Variants in UNC80 observed in about 807,000 individuals in gnomAD.
The protein encoded by UNC80 is protein unc-80 homolog.
Under a neutral mutation model 384.6 loss-of-function variants are expected in UNC80, and 164 were observed. The ratio of observed to expected loss-of-function variants is 0.43; its 90% CI spans 0.38 to 0.49. The LOEUF is 0.49. Ranked by LOEUF, UNC80 falls within the 20% of genes least tolerant of loss-of-function variation. The pLI, the probability that UNC80 is intolerant of heterozygous loss-of-function variation, is 0.00. For synonymous variants in UNC80, 1,486 were observed against 1,527.8 expected (o/e 0.97, Z 0.64); for missense variants, 3,330 against 4,143.0 (o/e 0.80, Z 5.39).
intron 21 of UNC80, chr2:209,844,979 G>A (rs2082074731): frequency 6.6e-6 from 1 of 151,814 alleles, no homozygotes; most frequent in Non-Finnish European, 1.5e-5. Flanking sequence ...TTGTCTTGAA[G>A]CTCTAATCCC....
Position 209,839,199 on chromosome 2 carries a change from C to T in UNC80, c.3042-23C>T. 1 of 1,548,312 alleles carries T rather than the reference C, an allele frequency of 6.5e-7. No homozygotes were observed. The highest frequency in any genetic ancestry group is 1.7e-4 in the Middle Eastern group (1 of 5,738). ...TTCTCAAGTGTTGTCAGAAGTTTAA[C>T]CCTATCCTCTGCTTGCCTACAGCGA... On this transcript the variant is annotated intron_variant, in intron 18 of 64. Transcript: ENST00000673920. This position sits in a 1 kb window ranked among gnomAD's most constrained non-coding sequence, Gnocchi z 4.1.
chr2:209,880,812 C>A, intron 24 of UNC80, 149 bp from the exon 25 acceptor site: 1 of 700,420 alleles, frequency 1.4e-6, no homozygotes, highest in Non-Finnish European at 2.3e-6. Flanking sequence ...TAGATGAAGT[C>A]CTCATATGTA....
rs760871771 is a variant in UNC80 at position 209,993,350 on chromosome 2, G to C, written c.9432G>C (p.Gln3144His). 6 of 1,551,828 alleles carry C rather than the reference G, an allele frequency of 3.9e-6. No homozygotes were observed. In the African/African-American group the frequency reaches 8.2e-5, roughly 21 times the overall value. ...RRPLLSRQKT[Q>H]TEPRNRQGAR... ...CTCTACTATCACGTCAGAAAACTCAGACTGAACCCAGAAATCGCCAAGGGG... is the reference window on the plus strand; with the variant it reads ...CTCTACTATCACGTCAGAAAACTCACACTGAACCCAGAAATCGCCAAGGGG... The change falls in exon 63 of 65, where the codon CAG (glutamine) becomes CAC (histidine). Residue 3144 changes from glutamine (Q) to histidine (H), a missense_variant. Coordinates refer to ENST00000673920, the MANE Select transcript of UNC80 (RefSeq NM_001371986.1).
chr2:209,888,253 G>C lies in UNC80; in HGVS notation c.4269G>C (p.Glu1423Asp), dbSNP rs1316066934. Residue 1423 changes from glutamate to aspartate, a missense_variant, in exon 26 of 65, where the codon GAG becomes GAC. By Grantham distance (45) the Glu-to-Asp change is conservative (BLOSUM62 2). Coordinates refer to ENST00000673920, the MANE Select transcript of UNC80 (RefSeq NM_001371986.1). ...TCAAATCAGATGCAGGAGTCGAGGA[G>C]AAGAAAGGTATGGAAACACAAAGGT... is the stretch of plus-strand genomic sequence containing the variant. ...HTLKSDAGVE[E>D]KKVPSRKIRI... 1 of 1,551,708 alleles carries C rather than the reference G, an allele frequency of 6.4e-7. No homozygotes were observed. Among genetic ancestry groups the C allele is most frequent in the Non-Finnish European group, 8.7e-7 (1 of 1,146,974 alleles).
intron 22 of UNC80, among the ~76,000 whole-genome samples, chr2:209,856,300 A>G (rs944232600): frequency 2.6e-5 from 4 of 152,174 alleles, no homozygotes; most frequent in East Asian, 1.9e-4. Context: ...TTATTGGAAG[A>G]TTATCTTTTA....
intron 39 of UNC80, 50 bp downstream of exon 39, chr2:209,934,055 A>G (rs1407861946): frequency 1.4e-6 from 2 of 1,456,944 alleles, no homozygotes. Context: ...AAAATTATAA[A>G]TAGCCCTTTG....
intron 7 of UNC80, among the ~76,000 whole-genome samples, chr2:209,800,035 G>C (rs907200115): frequency 2.0e-5 from 3 of 152,064 alleles, no homozygotes; most frequent in East Asian, 3.9e-4. Context: ...AATTTTTTTT[G>C]TTGTGTCTCT....
intron 26 of UNC80, among the ~76,000 whole-genome samples, chr2:209,893,788 T>C (rs568381835): frequency 6.6e-6 from 1 of 152,268 alleles, no homozygotes; most frequent in South Asian, 2.1e-4. Context: ...CTTACAGAAG[T>C]CTGTAAGTCC....
chr2:209,814,257 A>G (rs2079568693), intron 8 of UNC80, among the ~76,000 whole-genome samples: 1 of 149,244 alleles, frequency 6.7e-6, no homozygotes, highest in African/African-American at 2.5e-5. Flanking sequence ...TTTTTTTGAG[A>G]TGAAGTCTCG....
chr2:209,968,974 T>C (rs2092808918), intron 52 of UNC80: 1 of 152,220 alleles, frequency 6.6e-6, no homozygotes, highest in African/African-American at 2.4e-5. Context: ...GTGTCGGAGA[T>C]GTCACATAGC....
rs2076610216 is a variant in UNC80, at chr2:209,772,183, G to A, written c.92+19G>A. 2.6e-6 allele frequency: 4 copies of A among 1,523,460 alleles called. No homozygotes were observed. The highest frequency in any genetic ancestry group is 3.5e-6 in the Non-Finnish European group (4 of 1,132,374). 94.4% of individuals were successfully genotyped at this position (1,523,460 alleles called of 1,614,324 possible). ...AAACCAGGTGAGGGGCGCAGAGGGC[G>A]CACCGCGGGCCGCCCTGGGCTGGGG... On this transcript the variant is annotated intron_variant, in intron 1 of 64. Transcript: ENST00000673920.
chr2:209,795,703 T>G (rs577560374), intron 7 of UNC80: 2 of 152,346 alleles, frequency 1.3e-5, no homozygotes, highest in East Asian at 3.9e-4. Flanking sequence ...GGATGTGACT[T>G]CAGAGGGTGG....
intron 21 of UNC80, among the ~76,000 whole-genome samples, chr2:209,845,579 T>G (rs2082111497): frequency 6.6e-6 from 1 of 152,180 alleles, no homozygotes; most frequent in African/African-American, 2.4e-5. Context: ...AGAGCCAGAT[T>G]CTACAATGAG....
Position 209,776,062 on chromosome 2 carries a change from A to G in UNC80, c.298+17A>G. 1 of 1,613,746 alleles carries G rather than the reference A, an allele frequency of 6.2e-7. No individual in the cohort carries two copies. Among genetic ancestry groups the G allele is most frequent in the Non-Finnish European group, 8.5e-7 (1 of 1,179,838 alleles). ...ACAAGCTAGGTTGGTGCCCCGCATT[A>G]CTTCTTTATTGCATGTGATTGCCCT... On this transcript the variant is annotated intron_variant, in intron 3 of 64. Transcript: ENST00000673920.
At chr2:209,932,557 A>G (rs893544238) in intron 38 of UNC80, among the ~76,000 whole-genome samples, 1 of 152,164 alleles carries the variant, frequency 6.6e-6, no homozygotes. Context: ...TGCCCAGACC[A>G]TTGCTCTCCT....
intron 5 of UNC80, among the ~76,000 whole-genome samples, chr2:209,786,806 T>TTGA (rs140892366): frequency 0.01 from 1,577 of 152,094 alleles, 13 homozygotes; most frequent in Non-Finnish European, 0.015. Context: ...TTATGTAAAA[T>TTGA]TGAGGTGATA....
chr2:209,979,626 T>C (rs535007094), intron 59 of UNC80, among the ~76,000 whole-genome samples: 4 of 152,328 alleles, frequency 2.6e-5, no homozygotes, highest in Non-Finnish European at 4.4e-5. Flanking sequence ...ATACTACATA[T>C]GTATGCTTCA....
Position 209,839,087 on chromosome 2 carries a change from T to C in UNC80, c.3042-135T>C. On this transcript the variant is annotated intron_variant, in intron 18 of 64. Coordinates refer to ENST00000673920, the MANE Select transcript of UNC80 (RefSeq NM_001371986.1). The surrounding 1 kb of genome is among the most constrained non-coding windows in gnomAD (Gnocchi z 4.1). Reference sequence around the variant, plus strand: ...TCTTTCCTCCCACTTCAATGCCCACTCTTCCCACATTTCAGCCCATCAAAG... The same window carrying C: ...TCTTTCCTCCCACTTCAATGCCCACCCTTCCCACATTTCAGCCCATCAAAG... 1 of 765,014 alleles carries C rather than the reference T, an allele frequency of 1.3e-6. No individual in the cohort carries two copies. The allele number at this position is 765,014 out of a possible 1,614,324, so 47.4% of individuals were successfully genotyped here.
intron 42 of UNC80, among the ~76,000 whole-genome samples, chr2:209,937,995 C>G (rs2091363765): frequency 1.3e-5 from 2 of 152,022 alleles, no homozygotes; most frequent in African/African-American, 4.8e-5. Flanking sequence ...GTGGTTTACA[C>G]TAGCTGGCTA....
Sources: allele counts gnomAD v4.1 joint callset (sites outside exome capture counted in the v4.1 genomes callset), GRCh38; gene constraint gnomAD v4.1.1; non-coding constraint Gnocchi (gnomAD v3.1); transcripts MANE v1.5; gene names NCBI Gene and HGNC (gene_info 2026-07-23, HGNC 2026-07-21).